Variants in FAM222B observed in about 807,000 individuals in gnomAD.
FAM222B encodes the protein protein FAM222B.
Under a neutral mutation model 38.0 loss-of-function variants are expected in FAM222B, and 12 were observed. The ratio of observed to expected loss-of-function variants is 0.32; its 90% confidence interval spans 0.20 to 0.51. The LOEUF is 0.51. Ranked by LOEUF, FAM222B falls within the 20% of genes least tolerant of loss-of-function variation. FAM222B has a pLI of 0.97. For missense variants in FAM222B, 716 were observed against 754.2 expected (o/e 0.95, Z 0.59); for synonymous variants, 329 against 317.2 (o/e 1.04, Z -0.40).
chr17:28,780,369 C>T (rs138213073), intron 1 of FAM222B, among the ~76,000 whole-genome samples: 84 of 152,030 alleles, frequency 5.5e-4, no homozygotes, highest in African/African-American at 1.7e-3. Context: ...ATATAGAAAA[C>T]GCTAAAGACT....
chr17:28,758,944 C>G lies in FAM222B; in HGVS notation c.1015G>C (p.Ala339Pro). Residue 339 changes from alanine (A) to proline (P), a missense_variant, in exon 3 of 3, where the codon GCT (alanine) becomes CCT (proline). By Grantham distance (27) the Ala-to-Pro change is conservative. Coordinates refer to ENST00000581407, the MANE Select transcript of FAM222B (RefSeq NM_001077498.3). ...HTHAATAALP[A>P]AGPVNLPTGI... is the part of the protein sequence containing the mutation. ...GTGGGCAGGTTGACAGGACCTGCAGCAGGCAACGCGGCGGTGGCCGCGTGG... is the reference window on the plus strand; with the variant it reads ...GTGGGCAGGTTGACAGGACCTGCAGGAGGCAACGCGGCGGTGGCCGCGTGG... 1 of 1,610,056 alleles carries G rather than the reference C, an allele frequency of 6.2e-7. No individual in the cohort carries two copies. The highest frequency in any genetic ancestry group is 8.5e-7 in the Non-Finnish European group (1 of 1,178,424).
chr17:28,786,012 T>G (rs2036395766), intron 1 of FAM222B, among the ~76,000 whole-genome samples: 1 of 152,126 alleles, frequency 6.6e-6, no homozygotes. Flanking sequence ...TTTTGTATTT[T>G]TAGTAGAGAC....
intron 2 of FAM222B, among the ~76,000 whole-genome samples, chr17:28,762,422 TC>T (rs1279822341): frequency 1.3e-5 from 2 of 150,850 alleles, no homozygotes; most frequent in African/African-American, 4.9e-5. Context: ...GGTCAGGAGT[TC>T]AAGACCAGCC....
At chr17:28,772,560 TA>T (rs34470960) in intron 1 of FAM222B, among the ~76,000 whole-genome samples, 22,739 of 110,760 alleles carry the variant, frequency 0.21, 1,794 homozygotes, top group South Asian at 0.3. Context: ...CCATCTCTAC[TA>T]AAAAAAAAAT....
intron 1 of FAM222B, among the ~76,000 whole-genome samples, chr17:28,848,116 T>A (rs895641005): frequency 1.3e-5 from 2 of 152,024 alleles, no homozygotes; most frequent in African/African-American, 4.8e-5. Context: ...CAGGAGCGAA[T>A]AAATGACATC....
At position 28,757,458 on chromosome 17, in the gene FAM222B, T is replaced by C. The variant is rs537063820; in HGVS notation, c.*812A>G. 1 of 152,218 alleles carries C rather than the reference T, an allele frequency of 6.6e-6. No homozygotes were observed. Among genetic ancestry groups the C allele is most frequent in the African/African-American group, 2.4e-5 (1 of 41,532 alleles). 9.4% of individuals were successfully genotyped at this position (152,218 alleles called of 1,614,324 possible). ...CCTAATTCCTCAAGTAAGGTAGATT[T>C]TGTTTTTGTTGAGGGGGAAAGGATA... On this transcript the variant is annotated 3_prime_UTR_variant, in exon 3 of 3. Coordinates refer to ENST00000581407, the MANE Select transcript of FAM222B (RefSeq NM_001077498.3).
At chr17:28,767,019 G>C (rs2035363825) in intron 1 of FAM222B, 3 of 218,064 alleles carry the variant, frequency 1.4e-5, no homozygotes, top group Non-Finnish European at 1.8e-5. Context: ...GAGGAGAGTG[G>C]GCCCTCATAG....
At chr17:28,760,292 C>T (rs2035009610) in intron 2 of FAM222B, among the ~76,000 whole-genome samples, 2 of 152,046 alleles carry the variant, frequency 1.3e-5, no homozygotes, top group African/African-American at 4.8e-5. Flanking sequence ...AATTCAGGGT[C>T]GCTGGGCACG....
chr17:28,815,023 CT>C (rs769756572), intron 1 of FAM222B, among the ~76,000 whole-genome samples: 1 of 146,090 alleles, frequency 6.8e-6, no homozygotes, highest in Non-Finnish European at 1.5e-5. Flanking sequence ...ATCCACCCCC[CT>C]CGCCTCCCAA....
chr17:28,837,425 G>A (rs1436498725), intron 1 of FAM222B, among the ~76,000 whole-genome samples: 3 of 146,700 alleles, frequency 2.0e-5, no homozygotes, highest in East Asian at 2.0e-4. Flanking sequence ...GGGAGACTCC[G>A]TCTCAAAAAA....
chr17:28,796,476 G>C (rs939561783), intron 1 of FAM222B, among the ~76,000 whole-genome samples: 4 of 152,152 alleles, frequency 2.6e-5, no homozygotes, highest in Non-Finnish European at 4.4e-5. Context: ...AAGGCTGAGA[G>C]TTACTGAGAA....
At chr17:28,768,771 G>A (rs964392902) in intron 1 of FAM222B, among the ~76,000 whole-genome samples, 2 of 149,520 alleles carry the variant, frequency 1.3e-5, no homozygotes, top group Non-Finnish European at 3.0e-5. Context: ...AGAAGGCAGA[G>A]GTTGCAGTGA....
upstream of FAM222B, among the ~76,000 whole-genome samples, chr17:28,843,632 G>C (rs1186916265): frequency 1.3e-5 from 2 of 151,676 alleles, no homozygotes; most frequent in African/African-American, 4.8e-5. Flanking sequence ...ATTTTTAGTA[G>C]AGACGGGGTT....
chr17:28,767,765 C>T (rs1468835336), intron 1 of FAM222B, among the ~76,000 whole-genome samples: 4 of 152,074 alleles, frequency 2.6e-5, no homozygotes, highest in African/African-American at 4.8e-5. Context: ...CATGAGCCAC[C>T]GCACCCGGCC....
At chr17:28,837,471 A>G (rs1252243291) in intron 1 of FAM222B, among the ~76,000 whole-genome samples, 1 of 151,808 alleles carries the variant, frequency 6.6e-6, no homozygotes, top group Non-Finnish European at 1.5e-5. Flanking sequence ...AAAAAAATTG[A>G]GCCAGCAAAT....
At chr17:28,842,097 C>A (rs1356394857) in intron 1 of FAM222B, among the ~76,000 whole-genome samples, 1 of 152,090 alleles carries the variant, frequency 6.6e-6, no homozygotes, top group Non-Finnish European at 1.5e-5. Context: ...TTGCAATAGC[C>A]CGTTTGAAGC....
chr17:28,759,480 T>A lies in FAM222B; in HGVS notation c.479A>T (p.His160Leu). The change falls in exon 3 of 3, where the codon CAT (histidine) becomes CTT (leucine). Residue 160 changes from histidine to leucine, a missense_variant. Physicochemically the swap from His to Leu is moderately conservative, Grantham distance 99. Coordinates refer to ENST00000581407, the MANE Select transcript of FAM222B (RefSeq NM_001077498.3). This position sits in a 1 kb window ranked among gnomAD's most constrained non-coding sequence, Gnocchi z 4.8. ...AGGGGCATGGGCCAGGGTCTGTGCATGCTGCAGGGCCTGCTGGCGGGCCAG... is the reference window on the plus strand; with the variant it reads ...AGGGGCATGGGCCAGGGTCTGTGCAAGCTGCAGGGCCTGCTGGCGGGCCAG... ...QALARQQALQ[H>L]AQTLAHAPPQ... 1 of 1,537,432 alleles carries A rather than the reference T, an allele frequency of 6.5e-7. No homozygotes were observed. Among genetic ancestry groups the A allele is most frequent in the South Asian group, 1.2e-5 (1 of 82,658 alleles).
chr17:28,826,550 G>A (rs2038446890), intron 1 of FAM222B, among the ~76,000 whole-genome samples: 1 of 151,878 alleles, frequency 6.6e-6, no homozygotes, highest in Non-Finnish European at 1.5e-5. Flanking sequence ...GCGTGGTGGT[G>A]CATGCTTGTA....
rs1432509837 is a variant in FAM222B at position 28,756,469 on chromosome 17, A to T, written c.*1801T>A. On this transcript the variant is annotated 3_prime_UTR_variant, in exon 3 of 3. Transcript: ENST00000581407. ...GAGGAAAAAAAAATACAGCAAGAAT[A>T]TCTGCTTTGGAGATCAAGCAAGGGG... 6.6e-6 allele frequency: 1 copy of T among 152,486 alleles called. No individual in the cohort carries two copies. The highest frequency in any genetic ancestry group is 2.4e-5 in the African/African-American group (1 of 41,432). 9.4% of individuals were successfully genotyped at this position (152,486 alleles called of 1,614,324 possible). A position where few individuals can be genotyped will look rare whatever the true frequency, so the allele number is the denominator to read the frequency against.
Sources: allele counts gnomAD v4.1 joint callset (sites outside exome capture counted in the v4.1 genomes callset), GRCh38; gene constraint gnomAD v4.1.1; non-coding constraint Gnocchi (gnomAD v3.1); transcripts MANE v1.5; gene names NCBI Gene and HGNC (gene_info 2026-07-23, HGNC 2026-07-21).